The following NTN1 variants were observed in gnomAD, a reference collection of about 807,000 sequenced individuals.
NTN1 encodes the protein netrin 1, also known as netrin-1.
NTN1 carries 11 observed loss-of-function variants against 54.2 expected under a neutral mutation model. That is an observed-to-expected ratio of 0.20 (90% CI 0.13 to 0.34). NTN1 has a LOEUF of 0.34. Among genes scored for constraint, NTN1 ranks in the 10% least tolerant of loss-of-function variants. The probability of loss-of-function intolerance (pLI) is 1.00; values close to 1 mark genes in which losing one functional copy is unlikely to be tolerated. For missense variants in NTN1, 740 were observed against 893.1 expected (o/e 0.83, Z 2.18); for synonymous variants, 371 against 382.0 (o/e 0.97, Z 0.33).
At chr17:9,101,800 C>T (rs917750873) in intron 2 of NTN1, among the ~76,000 whole-genome samples, 19 of 151,994 alleles carry the variant, frequency 1.3e-4, no homozygotes, top group African/African-American at 4.6e-4. Flanking sequence ...TGAGAGCAGC[C>T]TGAGTGATAG....
chr17:9,086,387 A>G (rs1468176114), intron 2 of NTN1, among the ~76,000 whole-genome samples: 1 of 152,144 alleles, frequency 6.6e-6, no homozygotes, highest in East Asian at 1.9e-4. Flanking sequence ...TTCGGTGGGT[A>G]TTTCTGAAGC....
chr17:9,167,775 C>G (rs2092377137), intron 3 of NTN1, among the ~76,000 whole-genome samples: 1 of 151,926 alleles, frequency 6.6e-6, no homozygotes, highest in Non-Finnish European at 1.5e-5. Context: ...AGTCTTGCCC[C>G]CTCTGTTTCC....
intron 5 of NTN1, among the ~76,000 whole-genome samples, chr17:9,184,386 G>A (rs1347241772): frequency 6.6e-6 from 1 of 152,236 alleles, no homozygotes; most frequent in African/African-American, 2.4e-5. Flanking sequence ...TAAGGTGGGA[G>A]ATGAGGAAGC....
chr17:9,110,271 C>T (rs1301956687), intron 2 of NTN1, among the ~76,000 whole-genome samples: 1 of 147,202 alleles, frequency 6.8e-6, no homozygotes, highest in East Asian at 2.0e-4. Flanking sequence ...CCTCCTGCCT[C>T]TTTTTTTTTT....
intron 2 of NTN1, among the ~76,000 whole-genome samples, chr17:9,037,565 T>A (rs967660287): frequency 6.6e-6 from 1 of 152,182 alleles, no homozygotes; most frequent in Admixed American, 6.5e-5. Context: ...TCTTGAAAAT[T>A]ATTATATCAA....
intron 2 of NTN1, among the ~76,000 whole-genome samples, chr17:9,034,981 C>G (rs8068863): frequency 0.52 from 78,998 of 151,512 alleles, 21,331 homozygotes; most frequent in East Asian, 0.74. Context: ...GAGTTTCGCT[C>G]TGTCGCCCAG....
Position 9,239,545 on chromosome 17 carries a change from G to C in NTN1, c.1487-95G>C. The stretch of plus-strand genomic sequence containing the variant: ...GGCCACTCTGTGCAGTCACTTCCTG[G>C]GGCTGGGTCTCCTTTCCCTTCTCCC... On this transcript the variant is annotated intron_variant, in intron 6 of 6. Transcript: ENST00000173229. The surrounding 1 kb of genome is among the most constrained non-coding windows in gnomAD (Gnocchi z 5.2). The C allele has an allele frequency of 7.9e-7, 1 of 1,270,988 alleles. No homozygotes were observed. The highest frequency in any genetic ancestry group is 1.5e-5 in the African/African-American group (1 of 68,352). The allele number at this position is 1,270,988 out of a possible 1,614,324, so 78.7% of individuals were successfully genotyped here. A position where few individuals can be genotyped will look rare whatever the true frequency, so the allele number is the denominator to read the frequency against.
At chr17:9,056,908 A>G (rs887163982) in intron 2 of NTN1, among the ~76,000 whole-genome samples, 1 of 152,198 alleles carries the variant, frequency 6.6e-6, no homozygotes, top group Non-Finnish European at 1.5e-5. Context: ...GAGATGAGAT[A>G]GTAAAGACAA....
chr17:9,021,475 C>T (rs1376131927), upstream of NTN1: 2 of 151,812 alleles, frequency 1.3e-5, no homozygotes, highest in African/African-American at 4.8e-5. Flanking sequence ...GCCCGGCGGC[C>T]CCGCCCCCCG....
At chr17:9,128,119 A>AAAAT (rs57255280) in intron 2 of NTN1, among the ~76,000 whole-genome samples, 6,588 of 149,580 alleles carry the variant, frequency 0.044, 156 homozygotes, top group South Asian at 0.063. Flanking sequence ...TCCGTCTCGA[A>AAAAT]AAATAAATAA....
intron 2 of NTN1, among the ~76,000 whole-genome samples, chr17:9,148,224 C>T (rs1225262980): frequency 6.6e-6 from 1 of 152,180 alleles, no homozygotes; most frequent in African/African-American, 2.4e-5. Flanking sequence ...CCACGTGCTC[C>T]TGGGCACAGG....
intron 2 of NTN1, among the ~76,000 whole-genome samples, chr17:9,148,796 G>A (rs1265518099): frequency 6.6e-6 from 1 of 151,956 alleles, no homozygotes; most frequent in African/African-American, 2.4e-5. Context: ...GGTCACACGG[G>A]GGTCTGGTGT....
chr17:9,018,960 G>C (rs1365684603), upstream of NTN1, among the ~76,000 whole-genome samples: 1 of 152,200 alleles, frequency 6.6e-6, no homozygotes, highest in East Asian at 1.9e-4. Context: ...ATTCCTATCT[G>C]ATTTTAGTAC....
intron 6 of NTN1, among the ~76,000 whole-genome samples, chr17:9,225,670 G>T (rs1000016110): frequency 6.6e-6 from 1 of 152,246 alleles, no homozygotes; most frequent in African/African-American, 2.4e-5. Context: ...GAGGGCAGGA[G>T]GGATCTGGCC....
intron 2 of NTN1, among the ~76,000 whole-genome samples, chr17:9,099,661 A>G (rs2092143419): frequency 6.6e-6 from 1 of 152,188 alleles, no homozygotes; most frequent in South Asian, 2.1e-4. Context: ...ATGTCTGTTC[A>G]AAAGATGAAC....
chr17:9,067,989 G>A (rs542201670), intron 2 of NTN1, among the ~76,000 whole-genome samples: 1 of 152,330 alleles, frequency 6.6e-6, no homozygotes, highest in African/African-American at 2.4e-5. Flanking sequence ...TGGGAGGATT[G>A]CTTGAGCTGA....
upstream of NTN1, among the ~76,000 whole-genome samples, chr17:9,016,813 C>T (rs938730273): frequency 6.6e-6 from 1 of 152,226 alleles, no homozygotes; most frequent in African/African-American, 2.4e-5. Context: ...GTCTCTTTCT[C>T]TAGGTCTATC....
At chr17:9,191,988 A>AT in intron 5 of NTN1, among the ~76,000 whole-genome samples, 1 of 151,404 alleles carries the variant, frequency 6.6e-6, no homozygotes, top group Middle Eastern at 3.4e-3. Flanking sequence ...AAAAAAAAAA[A>AT]GTATTAGAGA....
At chr17:9,235,428 T>C (rs1905952693) in intron 6 of NTN1, among the ~76,000 whole-genome samples, 2 of 151,962 alleles carry the variant, frequency 1.3e-5, no homozygotes, top group African/African-American at 4.8e-5. Context: ...TTTTAGGACA[T>C]CAATGCAGGG....
Sources: allele counts gnomAD v4.1 joint callset (sites outside exome capture counted in the v4.1 genomes callset), GRCh38; gene constraint gnomAD v4.1.1; non-coding constraint Gnocchi (gnomAD v3.1); transcripts MANE v1.5; gene names NCBI Gene and HGNC (gene_info 2026-07-23, HGNC 2026-07-21).